The following FBXO31 variants were observed in gnomAD, a reference collection of about 807,000 sequenced individuals.
The protein encoded by FBXO31 is F-box protein 31, also known as F-box only protein 31.
FBXO31 carries 24 observed loss-of-function variants against 54.4 expected under a neutral mutation model. That is an observed-to-expected ratio of 0.44 (90% CI 0.32 to 0.62). The LOEUF (loss-of-function observed/expected upper bound fraction) is 0.62. Among genes scored for constraint, FBXO31 ranks in the 20% least tolerant of loss-of-function variants. FBXO31 has a pLI of 0.05. For missense variants in FBXO31, 665 were observed against 787.1 expected, an observed-to-expected ratio of 0.84 and a Z score of 1.86; for synonymous variants, 388 against 335.6, an observed-to-expected ratio of 1.16 and a Z score of -1.71.
intron 5 of FBXO31, among the ~76,000 whole-genome samples, chr16:87,339,061 C>T (rs965019315): frequency 2.0e-5 from 3 of 152,206 alleles, no homozygotes; most frequent in African/African-American, 7.2e-5. Flanking sequence ...GAGGCCTCCC[C>T]AGCCACATGG....
At chr16:87,365,013 ATATATATAT>A (rs1240981982) in intron 1 of FBXO31, among the ~76,000 whole-genome samples, 5 of 50,492 alleles carry the variant, frequency 9.9e-5, no homozygotes, top group African/African-American at 2.8e-4. Flanking sequence ...TCTCTTAAAT[ATATATATAT>A]ATATATATAT....
intron 1 of FBXO31, among the ~76,000 whole-genome samples, chr16:87,364,016 C>A (rs1321803388): frequency 6.6e-6 from 1 of 152,182 alleles, no homozygotes; most frequent in Non-Finnish European, 1.5e-5. Context: ...ACGGGGAGGG[C>A]AGGGCTGGCG....
intron 1 of FBXO31, among the ~76,000 whole-genome samples, chr16:87,371,316 T>C (rs1480281653): frequency 7.9e-5 from 12 of 152,194 alleles, no homozygotes; most frequent in Non-Finnish European, 1.5e-4. Context: ...GCCCCTCCTC[T>C]GGCACCCACG....
chr16:87,347,331 G>A, intron 2 of FBXO31, 81 bp from the exon 3 acceptor site: 1 of 1,150,874 alleles, frequency 8.7e-7, no homozygotes, highest in Non-Finnish European at 1.3e-6. Flanking sequence ...GAGGGAGGAA[G>A]GAACCATGAG....
At chr16:87,357,673 G>A (rs912009675) in intron 2 of FBXO31, among the ~76,000 whole-genome samples, 4 of 152,088 alleles carry the variant, frequency 2.6e-5, no homozygotes, top group Non-Finnish European at 4.4e-5. Context: ...AGCCAGGCAC[G>A]GTACCTCATG....
At chr16:87,347,022 C>G (rs1905418328) in intron 3 of FBXO31, 152 bp downstream of exon 3, 1 of 735,270 alleles carries the variant, frequency 1.4e-6, no homozygotes, top group African/African-American at 1.7e-5. Context: ...AAATTGGCTC[C>G]TGAAAAGTGA....
intron 2 of FBXO31, among the ~76,000 whole-genome samples, chr16:87,360,068 C>T (rs1772805024): frequency 6.6e-6 from 1 of 152,194 alleles, no homozygotes; most frequent in Admixed American, 6.5e-5. Context: ...GGCCTCGATG[C>T]CTGGTAAAAG....
rs752302810 is a variant in FBXO31 at position 87,343,619 on chromosome 16, C to A, written c.636G>T (p.Gly212=). 4 of 1,611,366 alleles carry A rather than the reference C, an allele frequency of 2.5e-6. No individual in the cohort carries two copies. The highest frequency in any genetic ancestry group is 3.4e-6 in the Non-Finnish European group (4 of 1,178,826). ...ATVECMYGHK[G]PHHGHIQIVK... ...ACACCTGGATGTGGCCGTGGTGGGG[C>A]CCTTTGTGGCCGTACATGCACTCCA... is the stretch of plus-strand genomic sequence containing the variant. Residue 212 remains glycine (G), a synonymous_variant, in exon 4 of 9, where the codon GGG becomes GGT. Coordinates refer to ENST00000311635, the MANE Select transcript of FBXO31 (RefSeq NM_024735.5).
At chr16:87,370,995 G>A (rs199607064) in intron 1 of FBXO31, among the ~76,000 whole-genome samples, 42 of 152,166 alleles carry the variant, frequency 2.8e-4, no homozygotes, top group African/African-American at 9.2e-4. Flanking sequence ...CCCAACTGCG[G>A]CCCGGCACTC....
chr16:87,350,767 C>T (rs765760105), intron 2 of FBXO31, among the ~76,000 whole-genome samples: 3 of 152,092 alleles, frequency 2.0e-5, no homozygotes, highest in Non-Finnish European at 4.4e-5. Flanking sequence ...CTCCTATCCC[C>T]TCCCCTCAGC....
Position 87,338,975 on chromosome 16 carries a change from G to A in FBXO31, c.733-2711C>T, listed in dbSNP as rs951611594. Reference sequence around the variant, plus strand: ...CGAGATGCAATGGTTTTATAAAGGGGAGTTCCCCTGCACAAGTTCTCTCTT... The same window carrying A: ...CGAGATGCAATGGTTTTATAAAGGGAAGTTCCCCTGCACAAGTTCTCTCTT... On this transcript the variant is annotated intron_variant, in intron 5 of 8. Coordinates refer to ENST00000311635, the MANE Select transcript of FBXO31 (RefSeq NM_024735.5). The surrounding 1 kb of genome is among the most constrained non-coding windows in gnomAD (Gnocchi z 4.3). Among the ~76,000 whole-genome samples, 2 of 152,168 alleles carry A rather than the reference G, an allele frequency of 1.3e-5. No individual in the cohort carries two copies. The highest frequency in any genetic ancestry group is 2.9e-5 in the Non-Finnish European group (2 of 68,034).
intron 1 of FBXO31, among the ~76,000 whole-genome samples, chr16:87,378,855 G>A (rs1026044920): frequency 2.6e-5 from 4 of 151,548 alleles, no homozygotes; most frequent in Admixed American, 6.6e-5. Context: ...CCAGCTACTC[G>A]GGAGGCTGAG....
At chr16:87,378,064 C>G (rs760362794) in intron 1 of FBXO31, among the ~76,000 whole-genome samples, 1 of 151,580 alleles carries the variant, frequency 6.6e-6, no homozygotes, top group African/African-American at 2.4e-5. Context: ...GAGGCTGAGG[C>G]AGGAGAACTG....
Position 87,342,931 on chromosome 16 carries a change from G to A in FBXO31, c.678C>T (p.Phe226=), listed in dbSNP as rs1411804889. The change falls in exon 5 of 9, where the codon TTC becomes TTT. Residue 226 remains phenylalanine (F), a synonymous_variant. Coordinates refer to ENST00000311635, the MANE Select transcript of FBXO31 (RefSeq NM_024735.5). ...GHIQIVKKDE[F]STKCNQTDHH... The stretch of plus-strand genomic sequence containing the variant: ...GGTCCGTCTGGTTGCACTTGGTGGA[G>A]AACTCATCCTTCTTCACAATCTTCA... 2 of 1,608,086 alleles carry A rather than the reference G, an allele frequency of 1.2e-6. No individual in the cohort carries two copies. The highest frequency in any genetic ancestry group is 8.5e-7 in the Non-Finnish European group (1 of 1,177,542).
In FBXO31 at chr16:87,383,437, G is replaced by A. The variant is rs763878921; in HGVS notation, c.308C>T (p.Thr103Ile). ...VCTKFRRILH[T>I]DTIWRRRCRE... ...GCAACGCCTCCTCCAGATGGTGTCG[G>A]TGTGGAGGATGCGCCGGAACTTCGT... is the stretch of plus-strand genomic sequence containing the variant. The change falls in exon 1 of 9, where the codon ACC (threonine) becomes ATC (isoleucine). Residue 103 changes from threonine (T) to isoleucine (I), a missense_variant. Coordinates refer to ENST00000311635, the MANE Select transcript of FBXO31 (RefSeq NM_024735.5). The surrounding 1 kb of genome is among the most constrained non-coding windows in gnomAD (Gnocchi z 4.9). The A allele has an allele frequency of 6.3e-6, 10 of 1,584,258 alleles. No homozygotes were observed. In the Admixed American group the frequency reaches 1.6e-4, roughly 26 times the overall value.
At chr16:87,349,636 G>C in intron 2 of FBXO31, among the ~76,000 whole-genome samples, 1 of 152,148 alleles carries the variant, frequency 6.6e-6, no homozygotes, top group East Asian at 1.9e-4. Flanking sequence ...ACTTGAACAG[G>C]GAGGCGGAGG....
At chr16:87,334,871 TC>T (rs1180775987) in intron 7 of FBXO31, among the ~76,000 whole-genome samples, 1 of 152,148 alleles carries the variant, frequency 6.6e-6, no homozygotes, top group Non-Finnish European at 1.5e-5. Flanking sequence ...CTCAGGCCAC[TC>T]CAAGGAGAGG....
At chr16:87,343,901 C>A in intron 3 of FBXO31, 136 bp from the exon 4 acceptor site, 2 of 821,332 alleles carry the variant, frequency 2.4e-6, no homozygotes, top group Non-Finnish European at 3.8e-6. Flanking sequence ...CGCCCACCCT[C>A]GAGGTGCCTC....
chr16:87,345,931 C>T lies in FBXO31; in HGVS notation c.489+1243G>A, dbSNP rs551802881. ...AACGCCAAAGATGGCAACCAGAGAA[C>T]ACAGCCCCATGCTGCACACAGGCAG... On this transcript the variant is annotated intron_variant, in intron 3 of 8. Transcript: ENST00000311635. The surrounding 1 kb of genome is among the most constrained non-coding windows in gnomAD (Gnocchi z 4.9). Among the ~76,000 whole-genome samples, 3 of 152,336 alleles carry T rather than the reference C, an allele frequency of 2.0e-5. No individual in the cohort carries two copies. The highest frequency in any genetic ancestry group is 7.2e-5 in the African/African-American group (3 of 41,572).
Sources: gnomAD v4.1 joint callset for allele counts (sites outside exome capture counted in the v4.1 genomes callset) on GRCh38, gnomAD v4.1.1 for gene constraint, Gnocchi (gnomAD v3.1) non-coding constraint, MANE v1.5 for transcripts, NCBI Gene and HGNC (gene_info 2026-07-23, HGNC 2026-07-21) for gene names.